WWOX: variants seen among roughly 807,000 people sequenced by gnomAD.
The protein encoded by WWOX is WW domain containing oxidoreductase, also known as WW domain-containing oxidoreductase.
WWOX carries 69 observed loss-of-function variants against 46.2 expected under a neutral mutation model. The ratio of observed to expected loss-of-function variants is 1.49; its 90% CI spans 1.23 to 1.82. The LOEUF (loss-of-function observed/expected upper bound fraction) is 1.82, where lower values mean the gene tolerates loss of function less well. WWOX is among the 40% of genes most tolerant of loss of function. The pLI, the probability that WWOX is intolerant of heterozygous loss-of-function variation, is 0.00. For synonymous variants in WWOX, 359 were observed against 202.6 expected, an observed-to-expected ratio of 1.77 and a Z score of -6.56; for missense variants, 919 against 542.6, an observed-to-expected ratio of 1.69 and a Z score of -6.89.
intron 8 of WWOX, among the ~76,000 whole-genome samples, chr16:78,869,659 C>A (rs1202626504): frequency 6.6e-6 from 1 of 152,074 alleles, no homozygotes; most frequent in East Asian, 1.9e-4. Flanking sequence ...TTTTTGTGGA[C>A]GTGGGGAGTG....
chr16:78,396,827 T>G (rs868376350), intron 6 of WWOX, among the ~76,000 whole-genome samples: 9 of 152,310 alleles, frequency 5.9e-5, no homozygotes, highest in African/African-American at 2.2e-4. Flanking sequence ...AAAAGTAGCC[T>G]GGGACAACAC....
At chr16:78,434,500 G>C (rs1173537661) in intron 8 of WWOX, among the ~76,000 whole-genome samples, 1 of 152,202 alleles carries the variant, frequency 6.6e-6, no homozygotes, top group African/African-American at 2.4e-5. Context: ...CCATTTAAAT[G>C]AGGCATTTAG....
intron 8 of WWOX, among the ~76,000 whole-genome samples, chr16:78,995,171 A>G (rs1355170285): frequency 1.3e-5 from 2 of 151,908 alleles, no homozygotes. Flanking sequence ...TAGCAAAAGT[A>G]TCTTCCAAGC....
At chr16:78,771,866 A>T (rs4888846) in intron 8 of WWOX, among the ~76,000 whole-genome samples, 47,147 of 151,840 alleles carry the variant, frequency 0.31, 7,794 homozygotes, top group South Asian at 0.38. Context: ...TAGCTCTCTC[A>T]CAAAAAAAAA....
intron 4 of WWOX, among the ~76,000 whole-genome samples, chr16:78,117,819 T>G (rs1358948572): frequency 1.3e-5 from 2 of 152,158 alleles, no homozygotes; most frequent in East Asian, 3.9e-4. Flanking sequence ...TGGTGTTCCC[T>G]TTCCTTTGGC....
chr16:78,818,333 C>T (rs2051397461), intron 8 of WWOX, among the ~76,000 whole-genome samples: 1 of 152,224 alleles, frequency 6.6e-6, no homozygotes, highest in Non-Finnish European at 1.5e-5. Context: ...TCACCCTCTC[C>T]AGCACACACA....
rs543967192 is a variant in WWOX at position 78,379,477 on chromosome 16, C to G, written c.517-7383C>G. ...CCTCCAGCCACTGTACCGACGTGTT[C>G]CTTTATTTCACCCACATAGTGATGA... On this transcript the variant is annotated intron_variant, in intron 5 of 8. Coordinates refer to ENST00000566780, the MANE Select transcript of WWOX (RefSeq NM_016373.4). Among the ~76,000 whole-genome samples, 7 of 152,274 alleles carry G rather than the reference C, an allele frequency of 4.6e-5. 1 individual carries two copies. In the South Asian group the frequency reaches 1.2e-3, roughly 27 times the overall value.
intron 8 of WWOX, among the ~76,000 whole-genome samples, chr16:78,922,271 A>G (rs998059272): frequency 6.6e-6 from 1 of 152,166 alleles, no homozygotes; most frequent in Non-Finnish European, 1.5e-5. Context: ...ACATGGGTGT[A>G]GTTAGGCCCC....
intron 8 of WWOX, among the ~76,000 whole-genome samples, chr16:79,208,528 TA>T (rs1188053619): frequency 1.3e-5 from 2 of 152,218 alleles, no homozygotes; most frequent in African/African-American, 4.8e-5. Flanking sequence ...TTGTTAACAT[TA>T]TTTCCTTTAG....
At chr16:78,245,511 A>G (rs1252333963) in intron 5 of WWOX, among the ~76,000 whole-genome samples, 1 of 152,246 alleles carries the variant, frequency 6.6e-6, no homozygotes, top group African/African-American at 2.4e-5. Flanking sequence ...GCTTGGCTTC[A>G]GAGCCAGGAT....
At chr16:79,207,517 G>C (rs980968039) in intron 8 of WWOX, among the ~76,000 whole-genome samples, 1 of 152,180 alleles carries the variant, frequency 6.6e-6, no homozygotes, top group Middle Eastern at 3.2e-3. Flanking sequence ...GATTAATTCA[G>C]CATTTGCTGT....
At chr16:78,692,662 AG>A (rs1304846718) in intron 8 of WWOX, among the ~76,000 whole-genome samples, 1 of 152,230 alleles carries the variant, frequency 6.6e-6, no homozygotes, top group East Asian at 1.9e-4. Context: ...TTGAAGGACT[AG>A]GGTCACCAGT....
intron 8 of WWOX, among the ~76,000 whole-genome samples, chr16:78,652,732 C>T (rs2046994557): frequency 6.6e-6 from 1 of 152,062 alleles, no homozygotes; most frequent in Non-Finnish European, 1.5e-5. Flanking sequence ...GATTTAGGTT[C>T]TTCTGTGATA....
At chr16:78,469,360 C>G (rs2084165529) in intron 8 of WWOX, among the ~76,000 whole-genome samples, 2 of 152,134 alleles carry the variant, frequency 1.3e-5, no homozygotes, top group African/African-American at 4.8e-5. Flanking sequence ...GTTACAAAGG[C>G]AGACTCTTAA....
chr16:78,580,243 T>G lies in WWOX; in HGVS notation c.1056+147491T>G, dbSNP rs548291047. ...TGTGTGCCAGCATGCCCGGCTAGCTTTTGTATTTTTAGTAGAGATGGGGTC... is the reference window on the plus strand; with the variant it reads ...TGTGTGCCAGCATGCCCGGCTAGCTGTTGTATTTTTAGTAGAGATGGGGTC... On this transcript the variant is annotated intron_variant, in intron 8 of 8. Coordinates refer to ENST00000566780, the MANE Select transcript of WWOX (RefSeq NM_016373.4). Among the ~76,000 whole-genome samples, 5 of 152,112 alleles carry G rather than the reference T, an allele frequency of 3.3e-5. No homozygotes were observed. The South Asian group carries it at 1.0e-3, about 32-fold the overall frequency.
At chr16:79,189,261 C>G (rs1310469444) in intron 8 of WWOX, among the ~76,000 whole-genome samples, 1 of 149,280 alleles carries the variant, frequency 6.7e-6, no homozygotes, top group African/African-American at 2.5e-5. Flanking sequence ...TTTTTTTTTT[C>G]TTTTTGTTTT....
chr16:78,792,329 C>T (rs180793033), intron 8 of WWOX, among the ~76,000 whole-genome samples: 6 of 152,232 alleles, frequency 3.9e-5, no homozygotes, highest in Middle Eastern at 6.8e-3. Context: ...TCTCTCTCCT[C>T]TACTTCCCAC....
intron 8 of WWOX, among the ~76,000 whole-genome samples, chr16:79,086,848 G>T (rs375083923): frequency 3.3e-5 from 5 of 152,250 alleles, no homozygotes; most frequent in South Asian, 4.1e-4. Flanking sequence ...GTGCCACTGC[G>T]CTCCAGCCTG....
At chr16:78,153,145 C>T (rs1297228535) in intron 4 of WWOX, among the ~76,000 whole-genome samples, 1 of 152,052 alleles carries the variant, frequency 6.6e-6, no homozygotes, top group African/African-American at 2.4e-5. Context: ...ATTGAAATGG[C>T]CTGGGAGGCA....
Sources: gnomAD v4.1 joint callset for allele counts (sites outside exome capture counted in the v4.1 genomes callset) on GRCh38, gnomAD v4.1.1 for gene constraint, MANE v1.5 for transcripts, NCBI Gene and HGNC (gene_info 2026-07-23, HGNC 2026-07-21) for gene names.